Variants in ARHGEF26 observed in about 807,000 individuals in gnomAD.
ARHGEF26 encodes the protein Rho guanine nucleotide exchange factor 26, also known as Rho guanine nucleotide exchange factor (GEF) 26.
A neutral mutation model predicts 89.4 loss-of-function variants in ARHGEF26; 59 were observed. That is an observed-to-expected ratio of 0.66 (90% CI 0.54 to 0.82). The LOEUF (loss-of-function observed/expected upper bound fraction) is 0.82. ARHGEF26 is among the 40% of genes least tolerant of loss of function. The probability of loss-of-function intolerance (pLI) is 0.00; values close to 1 mark genes in which losing one functional copy is unlikely to be tolerated. For synonymous variants in ARHGEF26, 500 were observed against 428.4 expected (o/e 1.17, Z -2.06); for missense variants, 1,234 against 1,085.6 (o/e 1.14, Z -1.92).
At chr3:154,199,218 AC>A (rs1292859119) in intron 9 of ARHGEF26, among the ~76,000 whole-genome samples, 2 of 151,620 alleles carry the variant, frequency 1.3e-5, no homozygotes, top group Admixed American at 1.3e-4. Context: ...GCCCCCGACT[AC>A]CCTTCCTAGC....
intron 9 of ARHGEF26, among the ~76,000 whole-genome samples, chr3:154,204,455 C>T (rs1179877536): frequency 6.6e-6 from 1 of 151,494 alleles, no homozygotes; most frequent in Non-Finnish European, 1.5e-5. Flanking sequence ...ATGCCTCAGC[C>T]TCTCAAGTAG....
At chr3:154,179,211 G>A in intron 6 of ARHGEF26, among the ~76,000 whole-genome samples, 1 of 152,060 alleles carries the variant, frequency 6.6e-6, no homozygotes, top group Non-Finnish European at 1.5e-5. Flanking sequence ...TAATTGTACT[G>A]ACAACAACAA....
At chr3:154,187,359 A>C (rs1713636924) in intron 6 of ARHGEF26, among the ~76,000 whole-genome samples, 1 of 151,588 alleles carries the variant, frequency 6.6e-6, no homozygotes, top group Non-Finnish European at 1.5e-5. Context: ...TTTGAAGCCA[A>C]ACACTTGAAG....
At chr3:154,124,288 A>G in intron 2 of ARHGEF26, 122 bp from the exon 3 acceptor site, 1 of 686,896 alleles carries the variant, frequency 1.5e-6, no homozygotes, top group East Asian at 2.9e-5. Flanking sequence ...TGGAAATCTA[A>G]TTAATGTAAT....
chr3:154,251,283 A>C (rs1390794799), intron 12 of ARHGEF26, among the ~76,000 whole-genome samples: 2 of 152,206 alleles, frequency 1.3e-5, no homozygotes, highest in Non-Finnish European at 2.9e-5. Context: ...TGTTGTAAAA[A>C]TTAGATTAGA....
intron 12 of ARHGEF26, among the ~76,000 whole-genome samples, chr3:154,242,599 G>T (rs761914191): frequency 6.6e-6 from 1 of 152,208 alleles, no homozygotes; most frequent in Non-Finnish European, 1.5e-5. Context: ...AGAATATTCC[G>T]TAAACTGAAT....
chr3:154,255,247 C>T lies in ARHGEF26; in HGVS notation c.2474-84C>T. 4.9e-6 allele frequency: 7 copies of T among 1,424,028 alleles called. No individual in the cohort carries two copies. In the South Asian group the frequency reaches 9.3e-5, roughly 19 times the overall value. 88.2% of individuals were successfully genotyped at this position (1,424,028 alleles called of 1,614,324 possible). A position where few individuals can be genotyped will look rare whatever the true frequency, so the allele number is the denominator to read the frequency against. ...GTAGCACTTAGCCTGGGGAGGGATG[C>T]TGCCTCTCAGCTTTTTCATATCCTT... On this transcript the variant is annotated intron_variant, in intron 14 of 14. Transcript: ENST00000465093.
intron 12 of ARHGEF26, 29 bp downstream of exon 12, chr3:154,240,608 T>C: frequency 6.4e-7 from 1 of 1,555,520 alleles, no homozygotes. Context: ...AAGATTGGAA[T>C]AGCTGATAGT....
chr3:154,213,127 A>G (rs1715482260), intron 9 of ARHGEF26, among the ~76,000 whole-genome samples: 1 of 151,994 alleles, frequency 6.6e-6, no homozygotes, highest in Non-Finnish European at 1.5e-5. Flanking sequence ...AGGATCAGAT[A>G]TTCTATTAAT....
chr3:154,234,408 A>G (rs1400566190), intron 11 of ARHGEF26, among the ~76,000 whole-genome samples: 1 of 152,218 alleles, frequency 6.6e-6, no homozygotes, highest in African/African-American at 2.4e-5. Flanking sequence ...ACCACAAGGC[A>G]GGCCGTTAAA....
At position 154,124,450 on chromosome 3, in the gene ARHGEF26, G is replaced by A; in HGVS notation, c.1123+1G>A. The A allele has an allele frequency of 6.5e-7, 1 of 1,538,418 alleles. No individual in the cohort carries two copies. The highest frequency in any genetic ancestry group is 1.3e-5 in the South Asian group (1 of 78,012). Reference sequence around the variant, plus strand: ...GGACAAGGAACATTTGATGGGGAAGGTAAGCATTTAATTTTCCAAACTTTC... The same window carrying A: ...GGACAAGGAACATTTGATGGGGAAGATAAGCATTTAATTTTCCAAACTTTC... On this transcript the variant is annotated splice_donor_variant, in intron 3 of 14. Transcript: ENST00000465093. LOFTEE classifies it high-confidence loss of function.
intron 4 of ARHGEF26, among the ~76,000 whole-genome samples, chr3:154,140,969 AT>A (rs11400861): frequency 6.9e-6 from 1 of 145,874 alleles, no homozygotes; most frequent in Admixed American, 6.8e-5. Context: ...CTTCCATCCT[AT>A]TTTTTTTTTG....
intron 9 of ARHGEF26, among the ~76,000 whole-genome samples, chr3:154,203,856 T>C (rs1456759013): frequency 6.6e-6 from 1 of 152,120 alleles, no homozygotes; most frequent in East Asian, 1.9e-4. Context: ...CTCTCTTTTT[T>C]TTTTTTTGAT....
intron 11 of ARHGEF26, among the ~76,000 whole-genome samples, chr3:154,229,691 C>G (rs1276792451): frequency 6.6e-6 from 1 of 152,110 alleles, no homozygotes; most frequent in Admixed American, 6.6e-5. Context: ...CCCTTACACC[C>G]TAGTTGCGAC....
intron 11 of ARHGEF26, among the ~76,000 whole-genome samples, chr3:154,227,321 A>T (rs567960164): frequency 1.5e-5 from 2 of 135,752 alleles, no homozygotes; most frequent in South Asian, 2.3e-4. Flanking sequence ...TTTGAGATAG[A>T]GTCTTGCTGT....
At chr3:154,184,429 T>C (rs1713391839) in intron 6 of ARHGEF26, among the ~76,000 whole-genome samples, 1 of 152,218 alleles carries the variant, frequency 6.6e-6, no homozygotes, top group African/African-American at 2.4e-5. Context: ...TTCACAGATG[T>C]GTATTTTTAG....
intron 14 of ARHGEF26, 85 bp downstream of exon 14, chr3:154,254,909 C>G (rs1718395671): frequency 3.7e-6 from 4 of 1,079,140 alleles, no homozygotes; most frequent in Non-Finnish European, 5.6e-6. Context: ...GTCATCATTG[C>G]CCATATTCCA....
intron 6 of ARHGEF26, among the ~76,000 whole-genome samples, chr3:154,179,762 G>A (rs1239008910): frequency 6.6e-6 from 1 of 152,176 alleles, no homozygotes; most frequent in Non-Finnish European, 1.5e-5. Flanking sequence ...TGCAGATACT[G>A]GATGTTGGTT....
chr3:154,193,474 A>G (rs1231711603), intron 8 of ARHGEF26, among the ~76,000 whole-genome samples: 1 of 152,184 alleles, frequency 6.6e-6, no homozygotes, highest in Non-Finnish European at 1.5e-5. Context: ...TGTACATTTA[A>G]GGGACCAGTG....
Sources: allele counts gnomAD v4.1 joint callset (sites outside exome capture counted in the v4.1 genomes callset), GRCh38; gene constraint gnomAD v4.1.1; transcripts MANE v1.5; gene names NCBI Gene and HGNC (gene_info 2026-07-23, HGNC 2026-07-21).